The following ROBO2 variants were observed in gnomAD, a reference collection of about 807,000 sequenced individuals.
ROBO2 encodes roundabout homolog 2.
ROBO2 carries 53 observed loss-of-function variants against 160.8 expected under a neutral mutation model. That is an observed-to-expected ratio of 0.33 (90% CI 0.26 to 0.41). The LOEUF is 0.41. Among genes scored for constraint, ROBO2 ranks in the 10% least tolerant of loss-of-function variants. The probability of loss-of-function intolerance (pLI) is 1.00; values close to 1 mark genes in which losing one functional copy is unlikely to be tolerated. For missense variants in ROBO2, 1,577 were observed against 1,722.4 expected (o/e 0.92, Z 1.49); for synonymous variants, 664 against 611.7 (o/e 1.09, Z -1.26).
chr3:76,770,533 C>G (rs1415153266), intron 2 of ROBO2, among the ~76,000 whole-genome samples: 1 of 151,168 alleles, frequency 6.6e-6, no homozygotes, highest in African/African-American at 2.4e-5. Flanking sequence ...GAGTAAAGCT[C>G]TTTTCACAGT....
At chr3:76,038,300 T>C (rs1559857112) in intron 2 of ROBO2, among the ~76,000 whole-genome samples, 1 of 151,998 alleles carries the variant, frequency 6.6e-6, no homozygotes, top group Admixed American at 6.5e-5. Flanking sequence ...ATTGAGTGTA[T>C]ATTGCAAGAA....
upstream of ROBO2, among the ~76,000 whole-genome samples, chr3:77,035,317 A>G (rs2063563709): frequency 6.6e-6 from 1 of 151,972 alleles, no homozygotes; most frequent in Non-Finnish European, 1.5e-5. Context: ...CAAAATTTTA[A>G]GGTATACACA....
chr3:77,027,061 C>A (rs1315217487), intron 2 of ROBO2, among the ~76,000 whole-genome samples: 1 of 152,160 alleles, frequency 6.6e-6, no homozygotes, highest in African/African-American at 2.4e-5. Context: ...AACTAAATTA[C>A]ATCAGCAGTG....
intron 2 of ROBO2, among the ~76,000 whole-genome samples, chr3:77,298,685 A>G (rs2062371999): frequency 6.6e-6 from 1 of 152,108 alleles, no homozygotes; most frequent in Non-Finnish European, 1.5e-5. Context: ...CAGAGCCGTG[A>G]ACAGAAAACT....
intron 2 of ROBO2, among the ~76,000 whole-genome samples, chr3:77,199,004 C>A (rs2082572768): frequency 6.6e-6 from 1 of 152,130 alleles, no homozygotes; most frequent in Non-Finnish European, 1.5e-5. Context: ...GGTCCCTACC[C>A]TCAAAGATTC....
At chr3:76,648,268 A>G (rs941936242) in intron 2 of ROBO2, among the ~76,000 whole-genome samples, 16 of 152,300 alleles carry the variant, frequency 1.1e-4, no homozygotes, top group Middle Eastern at 3.4e-3. Context: ...ATGCTGTGAA[A>G]AAGATATAAA....
chr3:77,457,102 C>T (rs754614123), intron 2 of ROBO2, among the ~76,000 whole-genome samples: 3 of 152,142 alleles, frequency 2.0e-5, no homozygotes, highest in Non-Finnish European at 4.4e-5. Flanking sequence ...AATCTACAGG[C>T]ACTATTAGCC....
chr3:77,319,762 ATGAAACAGAT>A (rs2064472946), intron 2 of ROBO2, among the ~76,000 whole-genome samples: 1 of 152,202 alleles, frequency 6.6e-6, no homozygotes, highest in Non-Finnish European at 1.5e-5. Flanking sequence ...CCAGGTATAT[ATGAAACAGAT>A]TTTAATGGAT....
At chr3:76,591,726 G>C (rs1485734062) in intron 2 of ROBO2, among the ~76,000 whole-genome samples, 1 of 151,958 alleles carries the variant, frequency 6.6e-6, no homozygotes, top group African/African-American at 2.4e-5. Context: ...AAAATAATTG[G>C]GAACATTTTC....
intron 2 of ROBO2, among the ~76,000 whole-genome samples, chr3:77,293,888 C>G: frequency 7.8e-6 from 1 of 128,786 alleles, no homozygotes; most frequent in South Asian, 2.4e-4. Context: ...AAATTGACGG[C>G]TAAACGAGTA....
chr3:77,396,263 T>C (rs1243563951), intron 2 of ROBO2, among the ~76,000 whole-genome samples: 1 of 152,112 alleles, frequency 6.6e-6, no homozygotes, highest in Non-Finnish European at 1.5e-5. Flanking sequence ...TTATAATTTG[T>C]AGAAAAACTA....
intron 2 of ROBO2, among the ~76,000 whole-genome samples, chr3:76,601,613 G>C (rs1317300231): frequency 5.3e-5 from 8 of 152,166 alleles, no homozygotes; most frequent in Admixed American, 5.2e-4. Context: ...CTGGAACACA[G>C]GGCACCAAGT....
Position 76,762,012 on chromosome 3 carries a change from G to GTT in ROBO2, c.110-335992_110-335991dup, listed in dbSNP as rs11364896. On this transcript the variant is annotated intron_variant, in intron 2 of 26. Transcript: ENST00000487694. ...TTATGGGAATCAATAGAGAAAAACA[G>GTT]TTTTTTTTTTTCATTTTCAGAAGAC... 6.4e-4 allele frequency among the ~76,000 whole-genome samples: 95 copies of GTT among 148,916 alleles called. 2 individuals carry two copies. The highest frequency in any genetic ancestry group is 2.3e-3 in the African/African-American group (94 of 40,762).
intron 17 of ROBO2, among the ~76,000 whole-genome samples, chr3:77,592,276 T>C (rs1402364805): frequency 2.6e-5 from 4 of 152,142 alleles, no homozygotes; most frequent in Non-Finnish European, 4.4e-5. Context: ...GTATACTTAA[T>C]ATGCAGAGAT....
chr3:76,589,877 C>A (rs2086303603), intron 2 of ROBO2, among the ~76,000 whole-genome samples: 1 of 152,064 alleles, frequency 6.6e-6, no homozygotes, highest in African/African-American at 2.4e-5. Context: ...CTACAAGTTT[C>A]TTTAAAAATG....
chr3:77,185,926 G>A (rs2081240886), intron 2 of ROBO2, among the ~76,000 whole-genome samples: 1 of 151,944 alleles, frequency 6.6e-6, no homozygotes, highest in South Asian at 2.1e-4. Context: ...AGTAGCTCAG[G>A]AGCGGAAAAC....
intron 2 of ROBO2, among the ~76,000 whole-genome samples, chr3:76,807,312 T>G (rs1046236062): frequency 1.3e-5 from 2 of 152,030 alleles, no homozygotes; most frequent in Non-Finnish European, 2.9e-5. Flanking sequence ...CAAATTAGTT[T>G]TCAGCTTCAG....
At chr3:76,816,118 G>A (rs988153944) in intron 2 of ROBO2, among the ~76,000 whole-genome samples, 1 of 152,020 alleles carries the variant, frequency 6.6e-6, no homozygotes, top group Non-Finnish European at 1.5e-5. Context: ...TATCCTCTTC[G>A]CTACTCAAAC....
At chr3:76,450,099 A>G (rs907470707) in intron 2 of ROBO2, among the ~76,000 whole-genome samples, 7 of 152,140 alleles carry the variant, frequency 4.6e-5, no homozygotes, top group African/African-American at 1.7e-4. Flanking sequence ...AGACGTTTGG[A>G]AGAAGAGTAG....
Sources: allele counts gnomAD v4.1 joint callset (sites outside exome capture counted in the v4.1 genomes callset), GRCh38; gene constraint gnomAD v4.1.1; transcripts MANE v1.5; gene names NCBI Gene and HGNC (gene_info 2026-07-23, HGNC 2026-07-21).